The following METTL15 variants were observed in gnomAD, a reference collection of about 807,000 sequenced individuals.
METTL15 encodes the protein methyltransferase 15, mitochondrial 12S rRNA N4-cytidine, also known as 12S rRNA N(4)-cytidine methyltransferase METTL15.
Under a neutral mutation model 38.3 loss-of-function variants are expected in METTL15, and 34 were observed. The observed-to-expected ratio is 0.89, with a 90% CI of 0.68 to 1.18. The LOEUF (loss-of-function observed/expected upper bound fraction) is 1.18. Among genes scored for constraint, METTL15 ranks in the 50% most tolerant of loss-of-function variants. The pLI is 0.00. For synonymous variants in METTL15, 162 were observed against 170.9 expected (o/e 0.95, Z 0.41); for missense variants, 438 against 498.4 (o/e 0.88, Z 1.15).
intron 6 of METTL15, among the ~76,000 whole-genome samples, chr11:28,472,552 C>T (rs1851311921): frequency 6.6e-6 from 1 of 152,110 alleles, no homozygotes; most frequent in African/African-American, 2.4e-5. Context: ...TCTAGTCCAA[C>T]AGGGCTAAGA....
intron 6 of METTL15, among the ~76,000 whole-genome samples, chr11:28,311,163 A>T (rs756115259): frequency 6.6e-5 from 10 of 152,136 alleles, no homozygotes; most frequent in Non-Finnish European, 1.3e-4. Context: ...GCAGCAATTA[A>T]ATCATTGTTT....
intron 5 of METTL15, among the ~76,000 whole-genome samples, chr11:28,389,382 T>TC (rs1440430878): frequency 3.2e-5 from 2 of 62,552 alleles, no homozygotes; most frequent in East Asian, 1.1e-3. Context: ...CCCTCCCCCC[T>TC]CCCCCCACCC....
At chr11:28,382,020 G>A (rs1354202945) in intron 5 of METTL15, among the ~76,000 whole-genome samples, 4 of 151,744 alleles carry the variant, frequency 2.6e-5, no homozygotes, top group African/African-American at 9.7e-5. Flanking sequence ...GGATATACTT[G>A]CTTAGAGATT....
chr11:28,425,068 A>C (rs941470372), intron 6 of METTL15, among the ~76,000 whole-genome samples: 1 of 152,188 alleles, frequency 6.6e-6, no homozygotes, highest in African/African-American at 2.4e-5. Flanking sequence ...CTGCTGGTAG[A>C]CTTGGCCTCT....
At chr11:28,137,050 T>G (rs1239209686) in intron 3 of METTL15, among the ~76,000 whole-genome samples, 2 of 26 alleles carry the variant, frequency 0.077, no homozygotes, top group Non-Finnish European at 0.17. Flanking sequence ...TTATAGATAA[T>G]TTTTATCCAA....
At chr11:28,178,464 C>T (rs1048616558) in intron 3 of METTL15, among the ~76,000 whole-genome samples, 5 of 151,764 alleles carry the variant, frequency 3.3e-5, no homozygotes, top group South Asian at 2.1e-4. Flanking sequence ...CCAAAGGTAA[C>T]GTACATTTTA....
At chr11:28,384,336 T>G (rs1453014522) in intron 5 of METTL15, among the ~76,000 whole-genome samples, 2 of 151,500 alleles carry the variant, frequency 1.3e-5, no homozygotes, top group Non-Finnish European at 2.9e-5. Context: ...TGAGACAAAG[T>G]GTCACTCTGT....
At chr11:28,335,944 G>A (rs139982497), downstream of METTL15, among the ~76,000 whole-genome samples, 106 of 152,270 alleles carry the variant, frequency 7.0e-4, no homozygotes, top group African/African-American at 2.4e-3. Context: ...AAAGCAGTTA[G>A]CACAGTTCTG....
chr11:28,376,992 C>T (rs948507168), intron 5 of METTL15, among the ~76,000 whole-genome samples: 5 of 126,716 alleles, frequency 3.9e-5, no homozygotes, highest in African/African-American at 1.3e-4. Context: ...TTGGCCCCCA[C>T]TCTCTTCTGG....
chr11:28,372,592 C>G (rs898410314), intron 5 of METTL15, among the ~76,000 whole-genome samples: 1 of 151,426 alleles, frequency 6.6e-6, no homozygotes, highest in Non-Finnish European at 1.5e-5. Flanking sequence ...CAGCATTCCT[C>G]AGAGACCACA....
chr11:28,532,023 A>G (rs1031026268), downstream of METTL15, among the ~76,000 whole-genome samples: 3 of 152,036 alleles, frequency 2.0e-5, no homozygotes, highest in African/African-American at 4.8e-5. Flanking sequence ...GCTCTTTTAG[A>G]AAAACGTTAA....
At chr11:28,455,016 G>C (rs1851155658) in intron 6 of METTL15, among the ~76,000 whole-genome samples, 1 of 152,068 alleles carries the variant, frequency 6.6e-6, no homozygotes, top group South Asian at 2.1e-4. Flanking sequence ...AGAAGAGGTG[G>C]TATTTGTTCA....
At chr11:28,325,264 ACT>A (rs1491358382) in intron 6 of METTL15, among the ~76,000 whole-genome samples, 1 of 152,144 alleles carries the variant, frequency 6.6e-6, no homozygotes, top group Non-Finnish European at 1.5e-5. Context: ...CTCTGAACTC[ACT>A]GAGTCATGCA....
At chr11:28,503,035 T>C (rs1290049341) in intron 6 of METTL15, among the ~76,000 whole-genome samples, 2 of 152,276 alleles carry the variant, frequency 1.3e-5, no homozygotes, top group Non-Finnish European at 2.9e-5. Context: ...TTGCTGTCCA[T>C]GTCTGCCAAG....
At chr11:28,465,793 C>T (rs1448580143) in intron 6 of METTL15, among the ~76,000 whole-genome samples, 2 of 152,134 alleles carry the variant, frequency 1.3e-5, no homozygotes, top group Non-Finnish European at 2.9e-5. Flanking sequence ...TGGGGGCGCT[C>T]CTGTGCATTG....
chr11:28,287,484 G>T (rs79089409), intron 4 of METTL15: 198 of 394,708 alleles, frequency 5.0e-4, no homozygotes, highest in African/African-American at 3.8e-3. Context: ...TTTCAGATTC[G>T]CCCATGTAAT....
chr11:28,344,532 C>G (rs1849980998), intron 3 of METTL15, among the ~76,000 whole-genome samples: 1 of 152,204 alleles, frequency 6.6e-6, no homozygotes, highest in South Asian at 2.1e-4. Context: ...TCTCTCAATT[C>G]AAGTCACATT....
chr11:28,217,740 G>A (rs1318089506), intron 4 of METTL15, among the ~76,000 whole-genome samples: 1 of 152,154 alleles, frequency 6.6e-6, no homozygotes, highest in Non-Finnish European at 1.5e-5. Context: ...TTTGTAGGAG[G>A]TGTAAGGAAG....
At chr11:28,321,441 G>T (rs1015305593) in intron 6 of METTL15, among the ~76,000 whole-genome samples, 6 of 152,000 alleles carry the variant, frequency 3.9e-5, no homozygotes, top group African/African-American at 4.8e-5. Context: ...TTTTTCATAG[G>T]AGTGATTAAA....
Sources: gnomAD v4.1 joint callset for allele counts (sites outside exome capture counted in the v4.1 genomes callset) on GRCh38, gnomAD v4.1.1 for gene constraint, MANE v1.5 for transcripts, NCBI Gene and HGNC (gene_info 2026-07-23, HGNC 2026-07-21) for gene names.